Variants in CHODL observed in about 807,000 individuals in gnomAD.
CHODL encodes transmembrane protein MT75.
Under a neutral mutation model 34.5 loss-of-function variants are expected in CHODL, and 29 were observed. The observed-to-expected ratio is 0.84, with a 90% CI of 0.63 to 1.15. CHODL has a LOEUF of 1.15. Among genes scored for constraint, CHODL ranks in the 50% most tolerant of loss-of-function variants. The probability of loss-of-function intolerance (pLI) is 0.00; values close to 1 mark genes in which losing one functional copy is unlikely to be tolerated. For synonymous variants in CHODL, 125 were observed against 116.1 expected (o/e 1.08, Z -0.49); for missense variants, 332 against 332.5 (o/e 1.00, Z 0.01).
intron 2 of CHODL, among the ~76,000 whole-genome samples, chr21:18,171,401 G>T (rs1157892017): frequency 6.7e-6 from 1 of 149,264 alleles, no homozygotes; most frequent in East Asian, 2.0e-4. Context: ...AGAGACGGGG[G>T]TTTCACCTTG....
chr21:18,023,315 G>T (rs1411040327), intron 1 of CHODL, among the ~76,000 whole-genome samples: 4 of 152,112 alleles, frequency 2.6e-5, no homozygotes, highest in Non-Finnish European at 5.9e-5. Context: ...GTGAAAAACT[G>T]GGTGGCCAGT....
At chr21:17,932,916 C>T (rs186863028) in intron 1 of CHODL, among the ~76,000 whole-genome samples, 26 of 152,090 alleles carry the variant, frequency 1.7e-4, no homozygotes, top group East Asian at 1.2e-3. Flanking sequence ...GGGTGTTTCT[C>T]GGAGAGGGGG....
chr21:18,001,741 A>G, intron 1 of CHODL, among the ~76,000 whole-genome samples: 1 of 150,314 alleles, frequency 6.7e-6, no homozygotes, highest in East Asian at 2.0e-4. Flanking sequence ...TAAGGAAGAG[A>G]GAGAATTCAT....
At chr21:17,985,004 A>G (rs936384932) in intron 1 of CHODL, among the ~76,000 whole-genome samples, 5 of 152,156 alleles carry the variant, frequency 3.3e-5, no homozygotes, top group African/African-American at 9.7e-5. Flanking sequence ...CTCAATAAGG[A>G]AAGTTTCTGT....
In CHODL at chr21:18,016,337, C is replaced by T. The variant is rs183867000; in HGVS notation, c.-144-11535C>T. 9.8e-5 allele frequency among the ~76,000 whole-genome samples: 15 copies of T among 152,320 alleles called. 1 individual carries two copies. Among genetic ancestry groups the T allele is most frequent in the African/African-American group, 2.6e-4 (11 of 41,580 alleles). ...GGCTGTTACTTTAGAGGATGCAAGCCGCAAGCCTTGGTGGCTTCCATGTGG... is the reference window on the plus strand; with the variant it reads ...GGCTGTTACTTTAGAGGATGCAAGCTGCAAGCCTTGGTGGCTTCCATGTGG... On this transcript the variant is annotated intron_variant, in intron 1 of 6. Coordinates refer to the CHODL transcript ENST00000400127.
chr21:18,080,666 C>G (rs567829010), intron 2 of CHODL, among the ~76,000 whole-genome samples: 25 of 152,118 alleles, frequency 1.6e-4, no homozygotes, highest in Non-Finnish European at 3.1e-4. Context: ...TTTCTGGGTT[C>G]TCCATTGTGT....
At chr21:18,041,436 A>ATT (rs373307102) in intron 2 of CHODL, among the ~76,000 whole-genome samples, 1 of 151,092 alleles carries the variant, frequency 6.6e-6, no homozygotes, top group African/African-American at 2.4e-5. Flanking sequence ...AACAATAGCT[A>ATT]TTTTTTTTTA....
intron 2 of CHODL, chr21:18,134,276 A>T: frequency 3.9e-6 from 2 of 509,596 alleles, no homozygotes; most frequent in South Asian, 2.9e-5. Context: ...TTATACTTGG[A>T]TGATCTCTTT....
intron 2 of CHODL, among the ~76,000 whole-genome samples, chr21:18,127,832 T>C (rs996262676): frequency 2.6e-5 from 4 of 152,040 alleles, no homozygotes; most frequent in Non-Finnish European, 5.9e-5. Flanking sequence ...GGCTCTCATC[T>C]ATCTTGGTCA....
chr21:18,102,973 T>C (rs2065233022), intron 2 of CHODL, among the ~76,000 whole-genome samples: 1 of 152,198 alleles, frequency 6.6e-6, no homozygotes, highest in Non-Finnish European at 1.5e-5. Context: ...ATCTCTCTTC[T>C]GGAATCCAAA....
intron 1 of CHODL, among the ~76,000 whole-genome samples, chr21:17,950,966 T>C (rs2063452086): frequency 6.6e-6 from 1 of 152,088 alleles, no homozygotes; most frequent in Admixed American, 6.6e-5. Context: ...TGGTCTGAGG[T>C]CTTAAAGTAT....
rs1411845161 is a variant in CHODL at position 18,266,327 on chromosome 21, C to T, written c.*289C>T. The T allele has an allele frequency of 8.8e-6, 7 of 793,418 alleles. No individual in the cohort carries two copies. The highest frequency in any genetic ancestry group is 3.9e-5 in the South Asian group (2 of 50,796). The allele number at this position is 793,418 out of a possible 1,614,324, so 49.1% of individuals were successfully genotyped here. A position where few individuals can be genotyped will look rare whatever the true frequency, so the allele number is the denominator to read the frequency against. ...GCAGATAAAGTTGTTATCAACACGTCGGGAGTATGTGTGTTAGAAGCAATT... is the reference window on the plus strand; with the variant it reads ...GCAGATAAAGTTGTTATCAACACGTTGGGAGTATGTGTGTTAGAAGCAATT... On this transcript the variant is annotated 3_prime_UTR_variant, in exon 6 of 6. Coordinates refer to ENST00000299295, the MANE Select transcript of CHODL (RefSeq NM_024944.3).
intron 1 of CHODL, among the ~76,000 whole-genome samples, chr21:17,928,704 T>G (rs2063247566): frequency 6.6e-6 from 1 of 152,126 alleles, no homozygotes; most frequent in Admixed American, 6.5e-5. Flanking sequence ...ATAATTAACC[T>G]CCTTACTTCC....
At chr21:18,029,835 T>C in intron 2 of CHODL, among the ~76,000 whole-genome samples, 1 of 152,006 alleles carries the variant, frequency 6.6e-6, no homozygotes, top group Non-Finnish European at 1.5e-5. Flanking sequence ...AACTATGGAG[T>C]AAAGTCCAGG....
chr21:18,078,969 C>T (rs2146510268), intron 2 of CHODL, among the ~76,000 whole-genome samples: 1 of 152,182 alleles, frequency 6.6e-6, no homozygotes, highest in South Asian at 2.1e-4. Flanking sequence ...TGCTACATGG[C>T]TTCTTTTTAT....
At chr21:17,997,867 G>A (rs1342362149) in intron 1 of CHODL, among the ~76,000 whole-genome samples, 1 of 152,066 alleles carries the variant, frequency 6.6e-6, no homozygotes, top group African/African-American at 2.4e-5. Flanking sequence ...GATTTGGATG[G>A]GGACACAGCC....
intron 2 of CHODL, among the ~76,000 whole-genome samples, chr21:18,167,207 CTCTCTGTG>C (rs1294667122): frequency 4.2e-5 from 5 of 118,592 alleles, no homozygotes; most frequent in African/African-American, 9.1e-5. Context: ...CCATTTCTCT[CTCTCTGTG>C]TGTGTGTGTG....
intron 2 of CHODL, among the ~76,000 whole-genome samples, chr21:18,031,167 G>T (rs1049094434): frequency 3.3e-5 from 5 of 152,074 alleles, no homozygotes; most frequent in Non-Finnish European, 7.4e-5. Flanking sequence ...CCCTGGTGAA[G>T]CTGAAACTGC....
chr21:18,245,452 G>C, intron 1 of CHODL, 150 bp downstream of exon 1: 1 of 633,106 alleles, frequency 1.6e-6, no homozygotes. Flanking sequence ...AATTGATTGT[G>C]CTGTTCTCCT....
Sources: gnomAD v4.1 joint callset for allele counts (sites outside exome capture counted in the v4.1 genomes callset) on GRCh38, gnomAD v4.1.1 for gene constraint, MANE v1.5 for transcripts, NCBI Gene and HGNC (gene_info 2026-07-23, HGNC 2026-07-21) for gene names.